Variants in AUTS2 observed in about 807,000 individuals in gnomAD.
AUTS2 encodes activator of transcription and developmental regulator AUTS2.
In AUTS2, 17 loss-of-function variants were observed where a neutral mutation model predicts 112.4. The observed-to-expected ratio is 0.15, with a 90% CI of 0.10 to 0.23. The LOEUF is 0.23. Among genes scored for constraint, AUTS2 ranks in the 10% least tolerant of loss-of-function variants. The pLI is 1.00. For synonymous variants in AUTS2, 751 were observed against 702.7 expected, an observed-to-expected ratio of 1.07 and a Z score of -1.09; for missense variants, 1,510 against 1,701.6, an observed-to-expected ratio of 0.89 and a Z score of 1.98.
chr7:70,626,663 C>T (rs559300428), intron 5 of AUTS2, among the ~76,000 whole-genome samples: 29 of 152,248 alleles, frequency 1.9e-4, no homozygotes, highest in Non-Finnish European at 3.4e-4. Context: ...TTCCCCTCAT[C>T]CTTCCCTCTC....
At chr7:70,519,025 C>T (rs772573494) in intron 5 of AUTS2, among the ~76,000 whole-genome samples, 4 of 152,084 alleles carry the variant, frequency 2.6e-5, no homozygotes, top group Non-Finnish European at 4.4e-5. Context: ...CCTCTTTTCA[C>T]CCATGTAGTT....
At chr7:70,756,950 G>A (rs930618283) in intron 6 of AUTS2, among the ~76,000 whole-genome samples, 4 of 152,318 alleles carry the variant, frequency 2.6e-5, no homozygotes, top group Middle Eastern at 3.4e-3. Context: ...AGATGTTGTC[G>A]TGTGGGGTTG....
At chr7:70,028,367 C>G (rs574648810) in intron 2 of AUTS2, among the ~76,000 whole-genome samples, 4 of 152,174 alleles carry the variant, frequency 2.6e-5, no homozygotes, top group Admixed American at 6.5e-5. Context: ...AGAACCTGGC[C>G]ACTTGATGGC....
intron 1 of AUTS2, among the ~76,000 whole-genome samples, chr7:69,665,415 C>T (rs552847591): frequency 1.3e-5 from 2 of 152,136 alleles, no homozygotes; most frequent in Non-Finnish European, 2.9e-5. Flanking sequence ...ACTGAGCTTA[C>T]CTTTTAGGTT....
At chr7:69,961,143 T>C (rs1323619594) in intron 2 of AUTS2, among the ~76,000 whole-genome samples, 1 of 152,146 alleles carries the variant, frequency 6.6e-6, no homozygotes, top group Non-Finnish European at 1.5e-5. Flanking sequence ...AGATACTGCA[T>C]TATTTTTGTA....
chr7:70,381,302 T>C (rs932149468), intron 4 of AUTS2, among the ~76,000 whole-genome samples: 7 of 152,240 alleles, frequency 4.6e-5, no homozygotes, highest in Non-Finnish European at 7.3e-5. Context: ...AACATGGACA[T>C]GTCTTATATC....
chr7:70,548,723 A>G (rs1240369833), intron 5 of AUTS2, among the ~76,000 whole-genome samples: 3 of 152,150 alleles, frequency 2.0e-5, no homozygotes, highest in East Asian at 1.9e-4. Flanking sequence ...ACACAGGCTT[A>G]TTTCTGGACT....
At chr7:70,346,905 G>T (rs964116054) in intron 4 of AUTS2, among the ~76,000 whole-genome samples, 5 of 152,112 alleles carry the variant, frequency 3.3e-5, no homozygotes, top group African/African-American at 1.2e-4. Context: ...ACAGACAGTA[G>T]CCCAAGAAGA....
chr7:70,250,489 T>C (rs1209370090), intron 4 of AUTS2, among the ~76,000 whole-genome samples: 1 of 152,232 alleles, frequency 6.6e-6, no homozygotes, highest in African/African-American at 2.4e-5. Context: ...AGGGTGAAAC[T>C]AGTGGAACCC....
intron 5 of AUTS2, among the ~76,000 whole-genome samples, chr7:70,482,724 G>A (rs957253122): frequency 6.6e-5 from 10 of 152,164 alleles, no homozygotes; most frequent in Non-Finnish European, 1.3e-4. Flanking sequence ...AATCCTAAAC[G>A]AAGCTTCATG....
chr7:70,466,051 A>C (rs907740346), intron 5 of AUTS2, among the ~76,000 whole-genome samples: 2 of 152,208 alleles, frequency 1.3e-5, no homozygotes, highest in Admixed American at 6.5e-5. Context: ...GAACAGATAT[A>C]GCTGACTCTG....
chr7:69,921,783 A>G (rs1016125438), intron 2 of AUTS2, among the ~76,000 whole-genome samples: 5 of 135,788 alleles, frequency 3.7e-5, no homozygotes, highest in African/African-American at 1.4e-4. Context: ...AAAAAAAAAA[A>G]GGCCGGGCAT....
intron 2 of AUTS2, among the ~76,000 whole-genome samples, chr7:70,109,401 A>G (rs1284669025): frequency 6.6e-6 from 1 of 152,204 alleles, no homozygotes; most frequent in Non-Finnish European, 1.5e-5. Flanking sequence ...CATTTAGTCC[A>G]TGGTTATACT....
intron 4 of AUTS2, among the ~76,000 whole-genome samples, chr7:70,233,013 T>C (rs1469586612): frequency 6.6e-6 from 1 of 152,222 alleles, no homozygotes; most frequent in Non-Finnish European, 1.5e-5. Flanking sequence ...ATTCACATAT[T>C]AGTAGTATCA....
intron 5 of AUTS2, among the ~76,000 whole-genome samples, chr7:70,453,929 G>A (rs1330830372): frequency 6.6e-6 from 1 of 152,206 alleles, no homozygotes; most frequent in African/African-American, 2.4e-5. Flanking sequence ...GAGACAGGCG[G>A]TCATGTGTCC....
intron 1 of AUTS2, among the ~76,000 whole-genome samples, chr7:69,842,295 A>G (rs1378799112): frequency 6.6e-6 from 1 of 152,202 alleles, no homozygotes; most frequent in Non-Finnish European, 1.5e-5. Flanking sequence ...CTAATATAAG[A>G]AAATTAGATT....
At chr7:69,887,289 G>T (rs1012683104) in intron 1 of AUTS2, among the ~76,000 whole-genome samples, 2 of 151,968 alleles carry the variant, frequency 1.3e-5, no homozygotes, top group African/African-American at 4.8e-5. Context: ...GGTGATGTAT[G>T]CCTGTAATCC....
chr7:70,412,139 C>A (rs1794806065), intron 4 of AUTS2, among the ~76,000 whole-genome samples: 1 of 152,036 alleles, frequency 6.6e-6, no homozygotes, highest in African/African-American at 2.4e-5. Flanking sequence ...AAGTGATCCA[C>A]CTGCCTCGGC....
At chr7:70,609,974 G>T (rs1803998245) in intron 5 of AUTS2, among the ~76,000 whole-genome samples, 1 of 151,550 alleles carries the variant, frequency 6.6e-6, no homozygotes, top group African/African-American at 2.4e-5. Flanking sequence ...TGTTGTTGTT[G>T]TTGTTGTTGT....
Sources: gnomAD v4.1 joint callset for allele counts (sites outside exome capture counted in the v4.1 genomes callset) on GRCh38, gnomAD v4.1.1 for gene constraint, MANE v1.5 for transcripts, NCBI Gene and HGNC (gene_info 2026-07-23, HGNC 2026-07-21) for gene names.